THOC5: variants seen among roughly 807,000 people sequenced by gnomAD.
THOC5 encodes THO complex subunit 5.
THOC5 carries 43 observed loss-of-function variants against 92.9 expected under a neutral mutation model. The ratio of observed to expected loss-of-function variants is 0.46; its 90% CI spans 0.36 to 0.60. The LOEUF is 0.60. Ranked by LOEUF, THOC5 falls within the 20% of genes least tolerant of loss-of-function variation. The probability of loss-of-function intolerance (pLI) is 0.00; values close to 1 mark genes in which losing one functional copy is unlikely to be tolerated. For missense variants in THOC5, 659 were observed against 849.4 expected (o/e 0.78, Z 2.79); for synonymous variants, 296 against 320.1 (o/e 0.92, Z 0.80).
At chr22:29,528,958 A>G in intron 9 of THOC5, 1 of 586,468 alleles carries the variant, frequency 1.7e-6, no homozygotes, top group Non-Finnish European at 3.0e-6. Context: ...TCAGTCAGCT[A>G]GTGAGTGGCA....
At chr22:29,526,589 C>G (rs2063549865) in intron 11 of THOC5, among the ~76,000 whole-genome samples, 1 of 151,894 alleles carries the variant, frequency 6.6e-6, no homozygotes, top group Non-Finnish European at 1.5e-5. Flanking sequence ...AGGAGAGCAT[C>G]TACAAATTCT....
intron 1 of THOC5, among the ~76,000 whole-genome samples, chr22:29,552,493 G>A (rs1391090487): frequency 2.0e-5 from 3 of 151,828 alleles, no homozygotes; most frequent in African/African-American, 7.3e-5. Context: ...GAGAGGTGAG[G>A]AGCCCCTCCA....
intron 8 of THOC5, 54 bp downstream of exon 8, chr22:29,531,777 G>A: frequency 1.1e-5 from 17 of 1,579,272 alleles, no homozygotes; most frequent in Non-Finnish European, 1.1e-5. Context: ...TGATTCACTC[G>A]GCCACAGCTG....
At chr22:29,511,510 G>A (rs117762290) in intron 18 of THOC5, 28,543 of 543,714 alleles carry the variant, frequency 0.052, 1,083 homozygotes, top group Non-Finnish European at 0.058. Context: ...AGCTTTCCCT[G>A]CCTCATATGC....
Position 29,506,965 on chromosome 22 carries a change from C to G in THOC5, c.*1492G>C, listed in dbSNP as rs984424478. 5 of 152,218 alleles carry G rather than the reference C, an allele frequency of 3.3e-5. No homozygotes were observed. Among genetic ancestry groups the G allele is most frequent in the Non-Finnish European group, 7.3e-5 (5 of 68,068 alleles). The allele number at this position is 152,218 out of a possible 1,614,324, so 9.4% of individuals were successfully genotyped here. A position where few individuals can be genotyped will look rare whatever the true frequency, so the allele number is the denominator to read the frequency against. ...CTCACTGCTACCTTGAACTCCTGGA[C>G]TCCAGTCATCCGCCCACCTCAGCCT... On this transcript the variant is annotated 3_prime_UTR_variant, in exon 20 of 20. Transcript: ENST00000490103.
At chr22:29,550,230 G>C (rs2064114057) in intron 1 of THOC5, among the ~76,000 whole-genome samples, 1 of 152,048 alleles carries the variant, frequency 6.6e-6, no homozygotes, top group South Asian at 2.1e-4. Flanking sequence ...GGCTCGCAAG[G>C]GGAATTACTT....
intron 6 of THOC5, among the ~76,000 whole-genome samples, chr22:29,538,367 T>C (rs1377366946): frequency 2.0e-5 from 3 of 152,146 alleles, no homozygotes; most frequent in African/African-American, 4.8e-5. Flanking sequence ...TACACCAGAA[T>C]ATACACTAGA....
At chr22:29,543,171 C>T (rs1430154046) in intron 4 of THOC5, among the ~76,000 whole-genome samples, 1 of 151,708 alleles carries the variant, frequency 6.6e-6, no homozygotes, top group African/African-American at 2.4e-5. Flanking sequence ...AGGTGAAACC[C>T]CATCTCTACT....
intron 8 of THOC5, chr22:29,531,525 G>A: frequency 3.6e-6 from 4 of 1,113,932 alleles, no homozygotes; most frequent in Non-Finnish European, 4.4e-6. Flanking sequence ...TGCCAAGCGT[G>A]CCTTGATGGG....
intron 12 of THOC5, among the ~76,000 whole-genome samples, chr22:29,521,834 T>A (rs936040561): frequency 1.3e-5 from 2 of 152,174 alleles, no homozygotes; most frequent in African/African-American, 4.8e-5. Flanking sequence ...ATTCTTTCCC[T>A]GAACCAAAGG....
intron 6 of THOC5, among the ~76,000 whole-genome samples, chr22:29,537,567 A>T (rs548311880): frequency 6.6e-6 from 1 of 152,162 alleles, no homozygotes; most frequent in Non-Finnish European, 1.5e-5. Context: ...TAAACTGGGG[A>T]GGCGGAGGTG....
At chr22:29,534,019 T>C (rs1448603565) in intron 7 of THOC5, among the ~76,000 whole-genome samples, 1 of 152,176 alleles carries the variant, frequency 6.6e-6, no homozygotes, top group East Asian at 1.9e-4. Context: ...TACACATGTA[T>C]GCCAAAACAC....
In THOC5 at chr22:29,520,994, T is replaced by C. The variant is rs368203492; in HGVS notation, c.1277+4A>G. 45 of 1,612,238 alleles carry C rather than the reference T, an allele frequency of 2.8e-5. No individual in the cohort carries two copies. Among genetic ancestry groups the C allele is most frequent in the Non-Finnish European group, 2.5e-6 (3 of 1,178,424 alleles). ...GCTCGGAGAGGAGGAAACTGCTGAC[T>C]CACCCAACTTTATCAAACTGATACT... On this transcript the variant is annotated splice_donor_region_variant and intron_variant, in intron 13 of 19. Coordinates refer to ENST00000490103, the MANE Select transcript of THOC5 (RefSeq NM_003678.5).
chr22:29,519,032 G>A lies in THOC5; in HGVS notation c.1463C>T (p.Ala488Val), dbSNP rs775806886. Reference sequence around the variant, plus strand: ...TAGGGATGCAAACTGTTTGTGGAGGGCCAGGCGGGACTGCACCCTGGTCTT... The same window carrying A: ...TAGGGATGCAAACTGTTTGTGGAGGACCAGGCGGGACTGCACCCTGGTCTT... ...LLKTRVQSRLALHKQFASLEH... is the reference protein window; with the variant it reads ...LLKTRVQSRLVLHKQFASLEH... The change falls in exon 15 of 20, where the codon GCC becomes GTC. Residue 488 changes from alanine (A) to valine (V), a missense_variant. Ala to Val is a moderately conservative substitution (Grantham distance 64). Transcript: ENST00000490103. 1.2e-6 allele frequency: 2 copies of A among 1,607,720 alleles called. No homozygotes were observed. Among genetic ancestry groups the A allele is most frequent in the South Asian group, 1.1e-5 (1 of 89,300 alleles).
intron 11 of THOC5, among the ~76,000 whole-genome samples, chr22:29,526,693 G>C (rs1231344765): frequency 6.6e-6 from 1 of 151,952 alleles, no homozygotes; most frequent in Non-Finnish European, 1.5e-5. Context: ...ATACAAGATG[G>C]AAAGGGAACC....
intron 8 of THOC5, chr22:29,531,211 G>A: frequency 9.5e-7 from 1 of 1,056,804 alleles, no homozygotes. Flanking sequence ...CAAGGTGGGA[G>A]GAGAAGCAAG....
intron 15 of THOC5, among the ~76,000 whole-genome samples, chr22:29,518,539 G>A (rs1437085610): frequency 6.6e-6 from 1 of 152,200 alleles, no homozygotes; most frequent in Non-Finnish European, 1.5e-5. Flanking sequence ...AGGCCTTGGG[G>A]AAGGGATATG....
At chr22:29,532,281 G>A (rs995223290) in intron 7 of THOC5, among the ~76,000 whole-genome samples, 6 of 151,232 alleles carry the variant, frequency 4.0e-5, no homozygotes, top group Non-Finnish European at 5.9e-5. Flanking sequence ...GTAACTTAGC[G>A]AGATGCCATT....
intron 18 of THOC5, 139 bp from the exon 19 acceptor site, chr22:29,511,435 A>C: frequency 1.2e-6 from 1 of 859,076 alleles, no homozygotes; most frequent in South Asian, 1.7e-5. Context: ...CATCAGATCA[A>C]GCTAGACTGG....
Sources: gnomAD v4.1 joint callset for allele counts (sites outside exome capture counted in the v4.1 genomes callset) on GRCh38, gnomAD v4.1.1 for gene constraint, MANE v1.5 for transcripts, NCBI Gene and HGNC (gene_info 2026-07-23, HGNC 2026-07-21) for gene names.